KCNK10: variants seen among roughly 807,000 people sequenced by gnomAD.
KCNK10 encodes the protein potassium channel subfamily K member 10.
A neutral mutation model predicts 47.7 loss-of-function variants in KCNK10; 25 were observed. That is an observed-to-expected ratio of 0.52 (90% confidence interval 0.38 to 0.73). KCNK10 has a LOEUF of 0.73. Among genes scored for constraint, KCNK10 ranks in the 30% least tolerant of loss-of-function variants. The probability of loss-of-function intolerance (pLI) is 0.00; values close to 1 mark genes in which losing one functional copy is unlikely to be tolerated. For missense variants in KCNK10, 563 were observed against 714.5 expected (o/e 0.79, Z 2.42); for synonymous variants, 303 against 285.6 (o/e 1.06, Z -0.61).
At chr14:88,199,024 A>C (rs1411184653) in intron 4 of KCNK10, among the ~76,000 whole-genome samples, 1 of 151,864 alleles carries the variant, frequency 6.6e-6, no homozygotes, top group African/African-American at 2.4e-5. Flanking sequence ...GGTTCAAGCG[A>C]TTCTCCTGCC....
chr14:88,188,218 C>A, intron 5 of KCNK10, 109 bp from the exon 6 acceptor site: 1 of 1,326,974 alleles, frequency 7.5e-7, no homozygotes, highest in South Asian at 1.3e-5. Context: ...GTTTAACACT[C>A]AGCTGTTAGG....
intron 4 of KCNK10, among the ~76,000 whole-genome samples, chr14:88,212,848 C>T (rs532033484): frequency 1.3e-5 from 2 of 152,298 alleles, no homozygotes; most frequent in East Asian, 3.9e-4. Context: ...CAGGAATGCA[C>T]ATTTCCTGGG....
At chr14:88,263,936 C>T (rs1456810073) in intron 1 of KCNK10, among the ~76,000 whole-genome samples, 1 of 152,148 alleles carries the variant, frequency 6.6e-6, no homozygotes, top group East Asian at 1.9e-4. Flanking sequence ...TGTTGTTGAA[C>T]TTGGAGAGGA....
intron 2 of KCNK10, among the ~76,000 whole-genome samples, chr14:88,262,416 C>T (rs898840723): frequency 6.6e-6 from 1 of 152,166 alleles, no homozygotes; most frequent in African/African-American, 2.4e-5. Context: ...TCTCAGACTT[C>T]ACAACCCTCC....
chr14:88,227,400 A>G lies in KCNK10; in HGVS notation c.656T>C (p.Ile219Thr). Residue 219 changes from isoleucine (I) to threonine (T), a missense_variant, in exon 4 of 7, where the codon ATT becomes ACT. By Grantham distance (89) the Ile-to-Thr change is moderately conservative (BLOSUM62 -1). Transcript: ENST00000319231. Reference sequence around the variant, plus strand: ...TCGAAAGACCTTCTCCACTCTTGCAATGCTTTTCCCAAAGATGGTTCCAAG... The same window carrying G: ...TCGAAAGACCTTCTCCACTCTTGCAGTGCTTTTCCCAAAGATGGTTCCAAG... ...DQLGTIFGKS[I>T]ARVEKVFRKK... The G allele has an allele frequency of 3.7e-6, 6 of 1,612,504 alleles. No homozygotes were observed. The highest frequency in any genetic ancestry group is 4.2e-6 in the Non-Finnish European group (5 of 1,179,484).
chr14:88,306,612 A>G (rs1292078016), intron 1 of KCNK10, among the ~76,000 whole-genome samples: 1 of 151,516 alleles, frequency 6.6e-6, no homozygotes, highest in African/African-American at 2.4e-5. Context: ...TGTCCCCATC[A>G]TCCCCACTGC....
rs961650125 is a variant in KCNK10, at chr14:88,184,205, G to C, written c.*1330C>G. On this transcript the variant is annotated 3_prime_UTR_variant, in exon 7 of 7. Transcript: ENST00000319231. ...GACCAATCATAATTATGATGTGTTA[G>C]CTTATCGTTTGCCTGGGAACAATCA... 2.0e-5 allele frequency: 3 copies of C among 152,334 alleles called. No individual in the cohort carries two copies. The highest frequency in any genetic ancestry group is 6.5e-5 in the Admixed American group (1 of 15,282). 9.4% of individuals were successfully genotyped at this position (152,334 alleles called of 1,614,324 possible).
At chr14:88,288,316 C>T (rs1887809631) in intron 1 of KCNK10, among the ~76,000 whole-genome samples, 1 of 152,184 alleles carries the variant, frequency 6.6e-6, no homozygotes, top group African/African-American at 2.4e-5. Flanking sequence ...CACTCATACA[C>T]ATTCACATCC....
rs559485766 is a variant in KCNK10, at chr14:88,217,593, T to G, written c.681+9782A>C. Among the ~76,000 whole-genome samples the G allele has an allele frequency of 2.6e-5, 4 of 152,352 alleles. No individual in the cohort carries two copies. The East Asian group carries it at 7.7e-4, about 29-fold the overall frequency. On this transcript the variant is annotated intron_variant, in intron 4 of 6. Coordinates refer to ENST00000319231, the MANE Select transcript of KCNK10 (RefSeq NM_138317.3). ...TTTTAGAGACAGGGCCTCATTCTGT[T>G]GCCCAAACTAGAGTACAGTGATGTG...
At chr14:88,294,970 T>C (rs1018726941) in intron 1 of KCNK10, among the ~76,000 whole-genome samples, 1 of 152,230 alleles carries the variant, frequency 6.6e-6, no homozygotes, top group Non-Finnish European at 1.5e-5. Context: ...TTATATGTGT[T>C]TGCTCATCTA....
At chr14:88,294,153 C>A (rs1158051429) in intron 1 of KCNK10, among the ~76,000 whole-genome samples, 1 of 152,184 alleles carries the variant, frequency 6.6e-6, no homozygotes, top group Non-Finnish European at 1.5e-5. Context: ...AGCACACAAC[C>A]CAGGCAAAGC....
At chr14:88,252,277 G>A (rs770908215) in intron 2 of KCNK10, among the ~76,000 whole-genome samples, 6 of 152,120 alleles carry the variant, frequency 3.9e-5, no homozygotes, top group Admixed American at 1.3e-4. Flanking sequence ...ACAAAACCTG[G>A]GACATTTGGT....
intron 3 of KCNK10, 27 bp from the exon 4 acceptor site, chr14:88,227,562 G>C: frequency 6.4e-7 from 1 of 1,564,040 alleles, no homozygotes. Context: ...AAAAGAGGGA[G>C]AGTGGCAGAG....
chr14:88,220,416 C>CAAAAA lies in KCNK10; in HGVS notation c.681+6954_681+6958dup, dbSNP rs58562095. Reference sequence around the variant, plus strand: ...TGGGCGACAGAGCGAGACTCCGTCTCAAAAAAAAAAAAAAAAAAAAAAAAA... The same window carrying CAAAAA: ...TGGGCGACAGAGCGAGACTCCGTCTCAAAAAAAAAAAAAAAAAAAAAAAAAAAAAA... On this transcript the variant is annotated intron_variant, in intron 4 of 6. Transcript: ENST00000319231. Among the ~76,000 whole-genome samples the CAAAAA allele has an allele frequency of 1.5e-3, 45 of 30,160 alleles. 5 individuals are homozygous for CAAAAA. Among genetic ancestry groups the CAAAAA allele is most frequent in the East Asian group, 1.7e-3 (1 of 606 alleles). 19.8% of individuals were successfully genotyped at this position (30,160 alleles called of 152,430 possible). A position where few individuals can be genotyped will look rare whatever the true frequency, so the allele number is the denominator to read the frequency against.
At chr14:88,288,125 G>T (rs1887806468) in intron 1 of KCNK10, among the ~76,000 whole-genome samples, 1 of 151,932 alleles carries the variant, frequency 6.6e-6, no homozygotes, top group African/African-American at 2.4e-5. Context: ...ATGTTTGTTG[G>T]CCATTTGTAT....
chr14:88,312,814 G>A (rs1261670663), intron 1 of KCNK10, among the ~76,000 whole-genome samples: 2 of 152,256 alleles, frequency 1.3e-5, no homozygotes, highest in East Asian at 3.9e-4. Flanking sequence ...AATACAAAAA[G>A]TTTGGACTGA....
intron 1 of KCNK10, among the ~76,000 whole-genome samples, chr14:88,306,601 C>G (rs1029154258): frequency 4.6e-5 from 7 of 151,646 alleles, no homozygotes; most frequent in African/African-American, 1.7e-4. Flanking sequence ...CCATGAATAC[C>G]TGTCCCCATC....
intron 4 of KCNK10, among the ~76,000 whole-genome samples, chr14:88,209,160 A>G (rs1355815861): frequency 6.6e-6 from 1 of 152,200 alleles, no homozygotes; most frequent in East Asian, 1.9e-4. Flanking sequence ...TTGAAGGGCC[A>G]GGCTTCTTTT....
rs111583937 is a variant in KCNK10, at chr14:88,192,550, C to T, written c.682-140G>A. Reference sequence around the variant, plus strand: ...GGCTGCTTGGAGGAAATTTGATGAACGCTGTGAACTCTTTCCTAGAAAAGT... The same window carrying T: ...GGCTGCTTGGAGGAAATTTGATGAATGCTGTGAACTCTTTCCTAGAAAAGT... On this transcript the variant is annotated intron_variant, in intron 4 of 6. Transcript: ENST00000319231. 151 of 687,308 alleles carry T rather than the reference C, an allele frequency of 2.2e-4. 2 individuals carry two copies. The highest frequency in any genetic ancestry group is 2.0e-3 in the African/African-American group (108 of 55,264). 42.6% of individuals were successfully genotyped at this position (687,308 alleles called of 1,614,324 possible). A position where few individuals can be genotyped will look rare whatever the true frequency, so the allele number is the denominator to read the frequency against.
Sources: gnomAD v4.1 joint callset for allele counts (sites outside exome capture counted in the v4.1 genomes callset) on GRCh38, gnomAD v4.1.1 for gene constraint, MANE v1.5 for transcripts, NCBI Gene and HGNC (gene_info 2026-07-23, HGNC 2026-07-21) for gene names.